Variants in TMEM260 observed in about 807,000 individuals in gnomAD.
TMEM260 encodes the protein transmembrane protein 260, also known as protein O-mannosyl-transferase TMEM260.
TMEM260 carries 82 observed loss-of-function variants against 88.9 expected under a neutral mutation model. The observed-to-expected ratio is 0.92, with a 90% CI of 0.77 to 1.11. The LOEUF is 1.11. Ranked by LOEUF, TMEM260 falls within the 50% of genes least tolerant of loss-of-function variation. The pLI, the probability that TMEM260 is intolerant of heterozygous loss-of-function variation, is 0.00. For missense variants in TMEM260, 902 were observed against 853.4 expected (o/e 1.06, Z -0.71); for synonymous variants, 314 against 309.3 (o/e 1.02, Z -0.16).
Position 56,634,873 on chromosome 14 carries a change from A to T in TMEM260, c.1725-26A>T, listed in dbSNP as rs746083977. ...AAAAAAAAAAGTGGGTGACAGAAAGATATTACTGTTTTCTTGTAACTACAG... is the reference window on the plus strand; with the variant it reads ...AAAAAAAAAAGTGGGTGACAGAAAGTTATTACTGTTTTCTTGTAACTACAG... On this transcript the variant is annotated intron_variant, in intron 13 of 15. Coordinates refer to ENST00000261556, the MANE Select transcript of TMEM260 (RefSeq NM_017799.4). 5 of 1,592,388 alleles carry T rather than the reference A, an allele frequency of 3.1e-6. No individual in the cohort carries two copies. In the South Asian group the frequency reaches 3.4e-5, roughly 11 times the overall value.
At chr14:56,661,656 C>T in the TMEM260 span, among the ~76,000 whole-genome samples, 1 of 152,036 alleles carries the variant, frequency 6.6e-6, no homozygotes, top group Non-Finnish European at 1.5e-5. Context: ...TAGCCAATTC[C>T]TAGACTTGTT....
Position 56,632,893 on chromosome 14 carries a change from C to CTGT in TMEM260, c.1548-99_1548-97dup. The CTGT allele has an allele frequency of 3.6e-6, 4 of 1,123,656 alleles. No individual in the cohort carries two copies. In the Admixed American group the frequency reaches 9.6e-5, roughly 27 times the overall value. 69.6% of individuals were successfully genotyped at this position (1,123,656 alleles called of 1,614,324 possible). Reference sequence around the variant, plus strand: ...TTTTCCAAAATCATATAGGTAATAACTGTTGGGAAAAAATCTAAAAATGAT... The same window carrying CTGT: ...TTTTCCAAAATCATATAGGTAATAACTGTTGTTGGGAAAAAATCTAAAAATGAT... On this transcript the variant is annotated intron_variant, in intron 12 of 15. Coordinates refer to ENST00000261556, the MANE Select transcript of TMEM260 (RefSeq NM_017799.4).
chr14:56,652,543 T>A (rs1408942794), downstream of TMEM260, among the ~76,000 whole-genome samples: 1 of 151,658 alleles, frequency 6.6e-6, no homozygotes, highest in Admixed American at 6.6e-5. Flanking sequence ...TAAAAATTAC[T>A]CTTGCAAAAG....
chr14:56,608,293 G>A (rs1173108891), intron 5 of TMEM260, among the ~76,000 whole-genome samples: 1 of 152,100 alleles, frequency 6.6e-6, no homozygotes, highest in Non-Finnish European at 1.5e-5. Context: ...TTCCAAATAC[G>A]ATATTTGTGA....
At chr14:56,643,563 G>C (rs1307226836) in intron 15 of TMEM260, among the ~76,000 whole-genome samples, 1 of 152,058 alleles carries the variant, frequency 6.6e-6, no homozygotes, top group Non-Finnish European at 1.5e-5. Context: ...ATACTGAATG[G>C]GCAAAAACTG....
At chr14:56,591,162 C>T (rs1454870330) in intron 3 of TMEM260, among the ~76,000 whole-genome samples, 1 of 152,154 alleles carries the variant, frequency 6.6e-6, no homozygotes, top group Non-Finnish European at 1.5e-5. Flanking sequence ...CGAGATTTTG[C>T]CACTGGAACT....
chr14:56,584,953 G>T (rs372956980), intron 1 of TMEM260, 48 bp from the exon 2 acceptor site: 10 of 1,553,266 alleles, frequency 6.4e-6, no homozygotes, highest in Non-Finnish European at 8.8e-6. Flanking sequence ...CTTTGGAGGA[G>T]TGTCATTCTC....
chr14:56,652,026 G>T (rs1378750246), downstream of TMEM260, among the ~76,000 whole-genome samples: 1 of 152,192 alleles, frequency 6.6e-6, no homozygotes, highest in Admixed American at 6.5e-5. Context: ...CCCTTAGATA[G>T]TTGAACTGTT....
the TMEM260 span, among the ~76,000 whole-genome samples, chr14:56,659,731 C>T: frequency 6.6e-6 from 1 of 152,198 alleles, no homozygotes; most frequent in Non-Finnish European, 1.5e-5. Flanking sequence ...AGGCGAAGCA[C>T]CCTTAATACC....
intron 5 of TMEM260, among the ~76,000 whole-genome samples, chr14:56,608,799 A>G (rs1186633492): frequency 2.0e-5 from 3 of 152,310 alleles, no homozygotes; most frequent in Middle Eastern, 3.4e-3. Context: ...TAGCTGTGCA[A>G]TGCTGCTTGT....
intron 4 of TMEM260, among the ~76,000 whole-genome samples, 170 bp from the exon 5 acceptor site, chr14:56,605,396 AAAAT>A (rs1886831894): frequency 6.6e-6 from 1 of 152,220 alleles, no homozygotes; most frequent in Admixed American, 6.5e-5. Context: ...AATATTAACA[AAAAT>A]AATAGTAACA....
intron 9 of TMEM260, 49 bp downstream of exon 9, chr14:56,617,346 G>A: frequency 8.1e-7 from 1 of 1,227,698 alleles, no homozygotes; most frequent in Non-Finnish European, 1.2e-6. Flanking sequence ...TGTGAAGAAT[G>A]TGCAAATTTG....
intron 2 of TMEM260, among the ~76,000 whole-genome samples, chr14:56,585,514 G>C (rs1218474278): frequency 6.6e-6 from 1 of 152,018 alleles, no homozygotes; most frequent in Non-Finnish European, 1.5e-5. Flanking sequence ...CTTAAGAACT[G>C]ACAATGAAAT....
At chr14:56,655,962 G>C in the TMEM260 span, among the ~76,000 whole-genome samples, 2 of 152,090 alleles carry the variant, frequency 1.3e-5, no homozygotes, top group African/African-American at 4.8e-5. Context: ...AAGGATGTGG[G>C]TCTGGAGGGT....
chr14:56,625,871 C>T (rs973048900), intron 12 of TMEM260, among the ~76,000 whole-genome samples: 1 of 152,034 alleles, frequency 6.6e-6, no homozygotes, highest in Admixed American at 6.6e-5. Flanking sequence ...CTATGGCCCC[C>T]CTTTTAAGTG....
chr14:56,649,621 C>T (rs1405954166), downstream of TMEM260: 1 of 153,624 alleles, frequency 6.5e-6, no homozygotes, highest in African/African-American at 2.4e-5. Context: ...TCTGCATCTA[C>T]ATACGCATGT....
At chr14:56,622,474 T>A (rs918360654) in intron 11 of TMEM260, among the ~76,000 whole-genome samples, 3 of 152,020 alleles carry the variant, frequency 2.0e-5, no homozygotes, top group Non-Finnish European at 4.4e-5. Flanking sequence ...TGTAGGTAAG[T>A]AAACATTTCA....
Position 56,648,386 on chromosome 14 carries a change from GTTAA to G in TMEM260, c.*895_*898del, listed in dbSNP as rs1183958781. ...AATAGTTCTTTATTTTATTATGACAGTTAATTAATAGCAACCTGTTTTAATGAAT... is the reference window on the plus strand; with the variant it reads ...AATAGTTCTTTATTTTATTATGACAGTTAATAGCAACCTGTTTTAATGAAT... On this transcript the variant is annotated 3_prime_UTR_variant, in exon 16 of 16. Coordinates refer to ENST00000261556, the MANE Select transcript of TMEM260 (RefSeq NM_017799.4). The G allele has an allele frequency of 6.6e-6, 1 of 152,614 alleles. No individual in the cohort carries two copies. The highest frequency in any genetic ancestry group is 1.5e-5 in the Non-Finnish European group (1 of 68,044). The allele number at this position is 152,614 out of a possible 1,614,324, so 9.5% of individuals were successfully genotyped here. A position where few individuals can be genotyped will look rare whatever the true frequency, so the allele number is the denominator to read the frequency against.
chr14:56,608,550 GA>G (rs146780427), intron 5 of TMEM260, among the ~76,000 whole-genome samples: 3 of 152,094 alleles, frequency 2.0e-5, no homozygotes, highest in Non-Finnish European at 4.4e-5. Flanking sequence ...AAATTGAGGA[GA>G]AAAAAAGCAT....
Sources: allele counts gnomAD v4.1 joint callset (sites outside exome capture counted in the v4.1 genomes callset), GRCh38; gene constraint gnomAD v4.1.1; transcripts MANE v1.5; gene names NCBI Gene and HGNC (gene_info 2026-07-23, HGNC 2026-07-21).